CLBA1: variants seen among roughly 807,000 people sequenced by gnomAD.
The protein encoded by CLBA1 is clathrin binding box of aftiphilin containing 1.
CLBA1 carries 30 observed loss-of-function variants against 28.8 expected under a neutral mutation model. The observed-to-expected ratio is 1.04, with a 90% CI of 0.78 to 1.41. The LOEUF (loss-of-function observed/expected upper bound fraction) is 1.41, where lower values mean the gene tolerates loss of function less well. Ranked by LOEUF, CLBA1 falls within the 40% of genes most tolerant of loss-of-function variation. The probability of loss-of-function intolerance (pLI) is 0.00; values close to 1 mark genes in which losing one functional copy is unlikely to be tolerated. For synonymous variants in CLBA1, 160 were observed against 152.8 expected (o/e 1.05, Z -0.35); for missense variants, 451 against 412.3 (o/e 1.09, Z -0.81).
At chr14:104,993,302 A>AT in intron 4 of CLBA1, 1 of 985,388 alleles carries the variant, frequency 1.0e-6, no homozygotes. Context: ...AGGACCCAGG[A>AT]TATGGGTGGG....
Position 104,988,953 on chromosome 14 carries a change from G to T in CLBA1, c.434G>T (p.Ser145Ile). The part of the protein sequence containing the change: ...SAVPPSEPIL[S>I]YENILKCAFQ... ...TTCTTTTCTTTTCAGCCCATTCTCA[G>T]CTATGAGAACATTTTAAAGTGTGCT... The change falls in exon 2 of 5, where the codon AGC (serine) becomes ATC (isoleucine). Residue 145 changes from serine to isoleucine, a missense_variant. Ser to Ile is a moderately radical substitution (Grantham distance 142). Coordinates refer to ENST00000547315, the MANE Select transcript of CLBA1 (RefSeq NM_174891.4). 1 of 1,610,744 alleles carries T rather than the reference G, an allele frequency of 6.2e-7. No individual in the cohort carries two copies. The highest frequency in any genetic ancestry group is 8.5e-7 in the Non-Finnish European group (1 of 1,178,408).
intron 2 of CLBA1, chr14:104,989,366 T>C (rs1219480098): frequency 2.3e-5 from 10 of 442,600 alleles, no homozygotes; most frequent in South Asian, 1.7e-4. Context: ...GTGCCAGTGC[T>C]GGTGGAGTGG....
intron 3 of CLBA1, among the ~76,000 whole-genome samples, chr14:104,991,925 GCCACGCACATGCCA>G (rs1378807748): frequency 1.9e-4 from 29 of 151,720 alleles, no homozygotes; most frequent in South Asian, 1.3e-3. Context: ...CACTGCCGCC[GCCACGCACATGCCA>G]CCACGCACAC....
chr14:104,992,298 C>T lies in CLBA1; in HGVS notation c.700-650C>T, dbSNP rs554404239. 2.5e-3 allele frequency among the ~76,000 whole-genome samples: 375 copies of T among 152,360 alleles called. 3 individuals carry two copies. Among genetic ancestry groups the T allele is most frequent in the African/African-American group, 8.8e-3 (364 of 41,586 alleles). ...ACTGCCACGCACAGACTGCCGTGCA[C>T]GTGCTCAAGCTCCTGGGCTGTCGCA... is the stretch of plus-strand genomic sequence containing the variant. On this transcript the variant is annotated intron_variant, in intron 3 of 4. Coordinates refer to ENST00000547315, the MANE Select transcript of CLBA1 (RefSeq NM_174891.4).
intron 1 of CLBA1, among the ~76,000 whole-genome samples, chr14:104,988,053 A>C (rs962444606): frequency 6.6e-6 from 1 of 151,420 alleles, no homozygotes; most frequent in Non-Finnish European, 1.5e-5. Flanking sequence ...TGATTGATGT[A>C]TTAGGGAACA....
chr14:104,986,735 G>C lies in CLBA1; in HGVS notation c.304G>C (p.Glu102Gln). ...ATTCTCACAGTCCCTTGAACTCCTC[G>C]AGGGACCCACAGAACCCCAGCCACC... Reference protein sequence around the residue: ...GQFSQSLELLEGPTEPQPPRT... With the variant: ...GQFSQSLELLQGPTEPQPPRT... The change falls in exon 1 of 5, where the codon GAG becomes CAG. Residue 102 changes from glutamate to glutamine, a missense_variant. Coordinates refer to ENST00000547315, the MANE Select transcript of CLBA1 (RefSeq NM_174891.4). 6.8e-6 allele frequency: 11 copies of C among 1,613,848 alleles called. No homozygotes were observed. Among genetic ancestry groups the C allele is most frequent in the Non-Finnish European group, 8.5e-6 (10 of 1,179,986 alleles).
chr14:104,989,951 G>A (rs1899974654), intron 2 of CLBA1: 2 of 325,742 alleles, frequency 6.1e-6, no homozygotes, highest in South Asian at 2.4e-5. Context: ...ACCTGCCCCA[G>A]GGTACCCTCT....
chr14:104,988,335 CTTT>C (rs33995599), intron 1 of CLBA1, among the ~76,000 whole-genome samples: 3 of 138,962 alleles, frequency 2.2e-5, no homozygotes, highest in African/African-American at 2.7e-5. Flanking sequence ...TGTATAATTT[CTTT>C]TTTTTTTTTT....
intron 1 of CLBA1, among the ~76,000 whole-genome samples, chr14:104,987,581 G>A (rs1305522565): frequency 6.7e-6 from 1 of 149,368 alleles, no homozygotes; most frequent in Non-Finnish European, 1.5e-5. Context: ...TAGTTCTCAG[G>A]GCTGGCCTGT....
At position 104,993,172 on chromosome 14, in the gene CLBA1, A is replaced by G. The variant is rs2819467; in HGVS notation, c.816+108A>G. 0.024 allele frequency: 37,398 copies of G among 1,526,642 alleles called. 2,879 individuals are homozygous for G. In the African/African-American group the frequency reaches 0.27, roughly 11 times the overall value. 94.6% of individuals were successfully genotyped at this position (1,526,642 alleles called of 1,614,324 possible). A position where few individuals can be genotyped will look rare whatever the true frequency, so the allele number is the denominator to read the frequency against. ...AGTCAGTTGCTTGTTTTCTTCCTTT[A>G]AGTCTTGTGGACTTCCAGAAAACAA... is the stretch of plus-strand genomic sequence containing the variant. On this transcript the variant is annotated intron_variant, in intron 4 of 4. Transcript: ENST00000547315.
Position 104,985,868 on chromosome 14 carries a change from C to G in CLBA1, c.-564C>G, listed in dbSNP as rs1203561274. ...CTGGTCCCGCGCGGCCCCGCCGAGGCGGCGACCAAGGTGGGTGCGGGGACT... is the reference window on the plus strand; with the variant it reads ...CTGGTCCCGCGCGGCCCCGCCGAGGGGGCGACCAAGGTGGGTGCGGGGACT... On this transcript the variant is annotated 5_prime_UTR_variant, in exon 1 of 5. Transcript: ENST00000547315. 1.1e-5 allele frequency: 2 copies of G among 182,486 alleles called. No individual in the cohort carries two copies. The highest frequency in any genetic ancestry group is 2.8e-4 in the East Asian group (1 of 3,570). The allele number at this position is 182,486 out of a possible 1,614,324, so 11.3% of individuals were successfully genotyped here. A position where few individuals can be genotyped will look rare whatever the true frequency, so the allele number is the denominator to read the frequency against.
chr14:104,999,825 T>C (rs1900232262), downstream of CLBA1, among the ~76,000 whole-genome samples: 1 of 152,256 alleles, frequency 6.6e-6, no homozygotes, highest in African/African-American at 2.4e-5. Flanking sequence ...TAGCTTTAAA[T>C]GTTTATATTA....
At chr14:104,990,696 A>T (rs1049861347) in intron 2 of CLBA1, 1 of 152,446 alleles carries the variant, frequency 6.6e-6, no homozygotes, top group Non-Finnish European at 1.5e-5. Flanking sequence ...GGCACATAGT[A>T]GACATTCACC....
In CLBA1 at chr14:104,988,951, C is replaced by T. The variant is rs370709711; in HGVS notation, c.432C>T (p.Leu144=). The T allele has an allele frequency of 2.8e-5, 45 of 1,607,682 alleles. No individual in the cohort carries two copies. The African/African-American group carries it at 5.8e-4, about 21-fold the overall frequency. Residue 144 remains leucine, a synonymous_variant, in exon 2 of 5, where the codon CTC becomes CTT. Coordinates refer to ENST00000547315, the MANE Select transcript of CLBA1 (RefSeq NM_174891.4). Reference sequence around the variant, plus strand: ...TCTTCTTTTCTTTTCAGCCCATTCTCAGCTATGAGAACATTTTAAAGTGTG... The same window carrying T: ...TCTTCTTTTCTTTTCAGCCCATTCTTAGCTATGAGAACATTTTAAAGTGTG... ...TSAVPPSEPI[L]SYENILKCAF...
At chr14:105,000,695 A>G (rs1307696735) in intron 2 of CLBA1, among the ~76,000 whole-genome samples, 1 of 152,142 alleles carries the variant, frequency 6.6e-6, no homozygotes, top group African/African-American at 2.4e-5. Context: ...GCAAATCAAG[A>G]CTGCAATAAG....
rs145845805 is a variant in CLBA1, at chr14:104,987,545, C to T, written c.423+691C>T. On this transcript the variant is annotated intron_variant, in intron 1 of 4. Transcript: ENST00000547315. ...CATCATGAGAGATCAGAAATAAAAC[C>T]AGTGAGGAAGGAAATAAAGATATTG... Among the ~76,000 whole-genome samples, 1,314 of 150,432 alleles carry T rather than the reference C, an allele frequency of 8.7e-3. 9 individuals are homozygous for T. The highest frequency in any genetic ancestry group is 0.013 in the Non-Finnish European group (912 of 67,770).
chr14:104,990,518 C>CA (rs1899992052), intron 2 of CLBA1: 1 of 152,252 alleles, frequency 6.6e-6, no homozygotes, highest in South Asian at 2.1e-4. Context: ...AGGCTGGTCT[C>CA]AAACTCCTGA....
rs1899855628 is a variant in CLBA1 at position 104,986,368 on chromosome 14, A to G, written c.-64A>G. The G allele has an allele frequency of 3.9e-6, 6 of 1,539,992 alleles. No homozygotes were observed. The highest frequency in any genetic ancestry group is 4.6e-5 in the East Asian group (2 of 43,306). On this transcript the variant is annotated 5_prime_UTR_variant, in exon 1 of 5. Coordinates refer to ENST00000547315, the MANE Select transcript of CLBA1 (RefSeq NM_174891.4). Reference sequence around the variant, plus strand: ...GGTTGGGCAGTCCTGGGCGGCCAGCACCCCGGCGTGCATGTCTCCTGAGCA... The same window carrying G: ...GGTTGGGCAGTCCTGGGCGGCCAGCGCCCCGGCGTGCATGTCTCCTGAGCA...
intron 1 of CLBA1, among the ~76,000 whole-genome samples, chr14:104,988,281 A>T (rs1899923723): frequency 6.6e-6 from 1 of 151,442 alleles, no homozygotes; most frequent in African/African-American, 2.4e-5. Context: ...TCAGCCTGCG[A>T]GCCTTTGTCT....
Sources: gnomAD v4.1 joint callset for allele counts (sites outside exome capture counted in the v4.1 genomes callset) on GRCh38, gnomAD v4.1.1 for gene constraint, MANE v1.5 for transcripts, NCBI Gene and HGNC (gene_info 2026-07-23, HGNC 2026-07-21) for gene names.